The following VSTM5 variants were observed in gnomAD, a reference collection of about 807,000 sequenced individuals.
VSTM5 encodes V-set and transmembrane domain-containing protein 5.
In VSTM5, 21 loss-of-function variants were observed where a neutral mutation model predicts 20.3. That is an observed-to-expected ratio of 1.03 (90% CI 0.73 to 1.49). The LOEUF (loss-of-function observed/expected upper bound fraction) is 1.49. VSTM5 is among the 40% of genes most tolerant of loss of function. VSTM5 has a pLI of 0.00. For missense variants in VSTM5, 219 were observed against 250.0 expected (o/e 0.88, Z 0.84); for synonymous variants, 100 against 102.5 (o/e 0.98, Z 0.14).
chr11:93,841,372 C>G (rs1591402657), intron 1 of VSTM5, among the ~76,000 whole-genome samples: 1 of 152,348 alleles, frequency 6.6e-6, no homozygotes, highest in Non-Finnish European at 1.5e-5. Flanking sequence ...GTGTTTCATT[C>G]CTTTGTTACT....
chr11:93,831,916 T>A lies in VSTM5; in HGVS notation c.92-10593A>T, dbSNP rs147625079. On this transcript the variant is annotated intron_variant, in intron 1 of 3. Transcript: ENST00000409977. ...TTTGATAACATTATGTTGTCAGGAG[T>A]GCATGGAAGTTACTCTCAAACATTA... Among the ~76,000 whole-genome samples, 447 of 152,250 alleles carry A rather than the reference T, an allele frequency of 2.9e-3. 3 individuals carry two copies. Among genetic ancestry groups the A allele is most frequent in the African/African-American group, 9.8e-3 (405 of 41,536 alleles).
chr11:93,847,498 G>A (rs1944423536), intron 1 of VSTM5, among the ~76,000 whole-genome samples: 1 of 152,292 alleles, frequency 6.6e-6, no homozygotes, highest in African/African-American at 2.4e-5. Flanking sequence ...CTGAGGACTG[G>A]CCCCAGTGTG....
rs1036243815 is a variant in VSTM5, at chr11:93,818,401, A to G, written c.*2168T>C. The G allele has an allele frequency of 2.0e-5, 3 of 152,076 alleles. No individual in the cohort carries two copies. The highest frequency in any genetic ancestry group is 2.9e-5 in the Non-Finnish European group (2 of 68,030). 9.4% of individuals were successfully genotyped at this position (152,076 alleles called of 1,614,324 possible). On this transcript the variant is annotated 3_prime_UTR_variant, in exon 4 of 4. Coordinates refer to ENST00000409977, the MANE Select transcript of VSTM5 (RefSeq NM_001144871.2). ...AAACCTTTCCACAGGAATGTTCAGT[A>G]TGGCAGAGCTTTAAAAATTCAAAAG... is the stretch of plus-strand genomic sequence containing the variant.
At chr11:93,849,751 G>T (rs549823510) in intron 1 of VSTM5, among the ~76,000 whole-genome samples, 22 of 152,356 alleles carry the variant, frequency 1.4e-4, no homozygotes, top group African/African-American at 5.3e-4. Context: ...GAGAGCCTCT[G>T]GGACTACGCT....
intron 1 of VSTM5, among the ~76,000 whole-genome samples, chr11:93,847,824 C>T (rs146198317): frequency 1.3e-5 from 2 of 152,348 alleles, no homozygotes; most frequent in East Asian, 3.9e-4. Flanking sequence ...GCTTAAACCA[C>T]AGTTATTTCT....
intron 1 of VSTM5, among the ~76,000 whole-genome samples, chr11:93,829,435 C>T (rs577968009): frequency 1.3e-4 from 20 of 152,034 alleles, no homozygotes; most frequent in Middle Eastern, 3.4e-3. Context: ...GGCTGAGGCA[C>T]GAGAATCGCT....
chr11:93,827,322 G>C (rs1340196363), intron 1 of VSTM5, among the ~76,000 whole-genome samples: 1 of 152,216 alleles, frequency 6.6e-6, no homozygotes, highest in African/African-American at 2.4e-5. Context: ...GGCGGACGTT[G>C]CAGTGAGCCG....
At chr11:93,842,297 T>C (rs1056103854) in intron 1 of VSTM5, among the ~76,000 whole-genome samples, 5 of 152,204 alleles carry the variant, frequency 3.3e-5, no homozygotes, top group African/African-American at 9.6e-5. Context: ...AGGCTGGTTC[T>C]TCTGCTCCAG....
intron 1 of VSTM5, among the ~76,000 whole-genome samples, chr11:93,839,297 C>A (rs1050225595): frequency 2.0e-5 from 3 of 152,190 alleles, no homozygotes; most frequent in Non-Finnish European, 4.4e-5. Context: ...ACTGGGCTCC[C>A]GTGGCCCAGG....
intron 1 of VSTM5, among the ~76,000 whole-genome samples, chr11:93,828,174 C>T (rs2135732186): frequency 6.6e-6 from 1 of 152,252 alleles, no homozygotes; most frequent in Middle Eastern, 3.4e-3. Flanking sequence ...TTGTGAAAAG[C>T]AGAGAGGAAC....
chr11:93,828,193 T>C (rs1243042608), intron 1 of VSTM5, among the ~76,000 whole-genome samples: 2 of 152,244 alleles, frequency 1.3e-5, no homozygotes, highest in African/African-American at 4.8e-5. Context: ...ACTAAATTTC[T>C]AGGCATTTCC....
chr11:93,847,008 G>A (rs1973546), intron 1 of VSTM5, among the ~76,000 whole-genome samples: 81,878 of 151,836 alleles, frequency 0.54, 23,159 homozygotes, highest in East Asian at 0.72. Flanking sequence ...CTTGTGATCC[G>A]CCCGGCTCGG....
Position 93,820,576 on chromosome 11 carries a change from T to G in VSTM5, c.596A>C (p.Glu199Ala). Reference sequence around the variant, plus strand: ...AGTCAGGCCCAGCCTTGGCTAACACTCAACATCTTCCAGCTCAATCTCCTC... The same window carrying G: ...AGTCAGGCCCAGCCTTGGCTAACACGCAACATCTTCCAGCTCAATCTCCTC... ...TTEEIELEDV[E>A]C is the part of the protein sequence containing the mutation. Residue 199 changes from glutamate to alanine, a missense_variant, in exon 4 of 4, where the codon GAG (glutamate) becomes GCG (alanine). Glu to Ala is a moderately radical substitution (Grantham distance 107). Coordinates refer to ENST00000409977, the MANE Select transcript of VSTM5 (RefSeq NM_001144871.2). The G allele has an allele frequency of 6.4e-7, 1 of 1,551,882 alleles. No individual in the cohort carries two copies. The highest frequency in any genetic ancestry group is 1.2e-5 in the South Asian group (1 of 84,056).
chr11:93,827,366 A>C (rs1944247480), intron 1 of VSTM5, among the ~76,000 whole-genome samples: 1 of 152,188 alleles, frequency 6.6e-6, no homozygotes, highest in South Asian at 2.1e-4. Flanking sequence ...CTGGCAACAA[A>C]AGCAAAACTC....
At chr11:93,835,224 A>G in intron 1 of VSTM5, among the ~76,000 whole-genome samples, 1 of 152,130 alleles carries the variant, frequency 6.6e-6, no homozygotes, top group East Asian at 1.9e-4. Context: ...CAGGAGTTCG[A>G]GAGCAGCCTG....
chr11:93,825,566 A>G (rs1944226010), intron 1 of VSTM5, among the ~76,000 whole-genome samples: 1 of 152,222 alleles, frequency 6.6e-6, no homozygotes. Flanking sequence ...TTTTAACGAT[A>G]TTAATTCTTC....
At chr11:93,846,117 C>CGTA (rs1565305120) in intron 1 of VSTM5, among the ~76,000 whole-genome samples, 2 of 152,200 alleles carry the variant, frequency 1.3e-5, no homozygotes, top group Admixed American at 6.5e-5. Flanking sequence ...CGGCCTCCCG[C>CGTA]GTAGCTGGGA....
At chr11:93,827,396 T>G (rs1056196702) in intron 1 of VSTM5, among the ~76,000 whole-genome samples, 2 of 152,106 alleles carry the variant, frequency 1.3e-5, no homozygotes, top group African/African-American at 4.8e-5. Context: ...ATAATAATAA[T>G]CTATAACAAA....
At chr11:93,849,398 C>T (rs554330319) in intron 1 of VSTM5, among the ~76,000 whole-genome samples, 1 of 152,342 alleles carries the variant, frequency 6.6e-6, no homozygotes, top group African/African-American at 2.4e-5. Context: ...CTCAAGGGAT[C>T]CGCTGGCCTC....
Sources: gnomAD v4.1 joint callset for allele counts (sites outside exome capture counted in the v4.1 genomes callset) on GRCh38, gnomAD v4.1.1 for gene constraint, MANE v1.5 for transcripts, NCBI Gene and HGNC (gene_info 2026-07-23, HGNC 2026-07-21) for gene names.